Variants in PTPN11 observed in about 807,000 individuals in gnomAD.
PTPN11 encodes the protein protein tyrosine phosphatase non-receptor type 11.
In PTPN11, 6 loss-of-function variants were observed where a neutral mutation model predicts 78.8. That is an observed-to-expected ratio of 0.08 (90% CI 0.04 to 0.15). The LOEUF (loss-of-function observed/expected upper bound fraction) is 0.15, where lower values mean the gene tolerates loss of function less well. PTPN11 is among the 10% of genes least tolerant of loss of function. PTPN11 has a pLI of 1.00. For missense variants in PTPN11, 386 were observed against 744.8 expected, an observed-to-expected ratio of 0.52 and a Z score of 5.61; for synonymous variants, 221 against 263.5, an observed-to-expected ratio of 0.84 and a Z score of 1.56.
Position 112,449,756 on chromosome 12 carries a change from T to A in PTPN11, c.138-562T>A, listed in dbSNP as rs1032975517. Among the ~76,000 whole-genome samples, 8 of 152,170 alleles carry A rather than the reference T, an allele frequency of 5.3e-5. No individual in the cohort carries two copies. In the East Asian group the frequency reaches 1.5e-3, roughly 29 times the overall value. ...TAATATATGCAATTCGATAGGCCAG[T>A]CATTCAAAATAGAAGATATACAAGG... On this transcript the variant is annotated intron_variant, in intron 2 of 15. Coordinates refer to ENST00000351677, the MANE Select transcript of PTPN11 (RefSeq NM_002834.5).
At chr12:112,492,663 G>GCCC (rs1212014439) in intron 13 of PTPN11, among the ~76,000 whole-genome samples, 1 of 151,774 alleles carries the variant, frequency 6.6e-6, no homozygotes, top group Non-Finnish European at 1.5e-5. Context: ...GACTACAGGC[G>GCCC]CCCGCCATCA....
At chr12:112,489,253 G>A (rs1359012350) in intron 13 of PTPN11, 78 bp downstream of exon 13, 1 of 1,535,188 alleles carries the variant, frequency 6.5e-7, no homozygotes, top group Non-Finnish European at 9.0e-7. Flanking sequence ...TTGAGCAGGA[G>A]GACAGGCTCT....
intron 3 of PTPN11, among the ~76,000 whole-genome samples, chr12:112,450,769 T>C (rs1014248675): frequency 2.8e-4 from 43 of 152,350 alleles, no homozygotes; most frequent in African/African-American, 1.0e-3. Context: ...ATATACTTGG[T>C]ACGTGTATTA....
At chr12:112,451,215 C>G (rs940573636) in intron 3 of PTPN11, among the ~76,000 whole-genome samples, 1 of 152,070 alleles carries the variant, frequency 6.6e-6, no homozygotes, top group Non-Finnish European at 1.5e-5. Flanking sequence ...CAGCTTATAC[C>G]TTTATGTCAG....
chr12:112,472,609 A>G (rs1484815391), intron 6 of PTPN11, among the ~76,000 whole-genome samples: 2 of 151,604 alleles, frequency 1.3e-5, no homozygotes, highest in African/African-American at 2.4e-5. Flanking sequence ...TCTCTCCTCA[A>G]GTGATTCCTG....
chr12:112,453,082 G>C, intron 3 of PTPN11, 113 bp from the exon 4 acceptor site: 2 of 904,150 alleles, frequency 2.2e-6, no homozygotes, highest in Non-Finnish European at 3.5e-6. Flanking sequence ...TTGGAGGAAT[G>C]TGTCTACTTT....
chr12:112,477,005 C>CT (rs980935735), intron 7 of PTPN11, among the ~76,000 whole-genome samples: 32 of 151,334 alleles, frequency 2.1e-4, no homozygotes, highest in Middle Eastern at 3.4e-3. Context: ...CTTCAATCTT[C>CT]TTTTTTTTTA....
chr12:112,505,826 T>C lies in PTPN11; in HGVS notation c.*34T>C, dbSNP rs2038928621. The C allele has an allele frequency of 6.5e-6, 1 of 153,904 alleles. No individual in the cohort carries two copies. Among genetic ancestry groups the C allele is most frequent in the African/African-American group, 2.4e-5 (1 of 41,450 alleles). 9.5% of individuals were successfully genotyped at this position (153,904 alleles called of 1,614,324 possible). The stretch of plus-strand genomic sequence containing the variant: ...ACTCTTAACTTATTTCTTCCCCAGA[T>C]GTGGACTTTCACCCTCTCCCTAAAA... On this transcript the variant is annotated splice_region_variant and 3_prime_UTR_variant, in exon 16 of 16. Transcript: ENST00000351677.
chr12:112,462,027 C>T (rs1288054520), intron 6 of PTPN11, among the ~76,000 whole-genome samples: 1 of 151,726 alleles, frequency 6.6e-6, no homozygotes, highest in Non-Finnish European at 1.5e-5. Context: ...ATTTTTTTTG[C>T]GCTTTTCAAA....
At chr12:112,453,491 T>G in intron 4 of PTPN11, 104 bp downstream of exon 4, 1 of 698,954 alleles carries the variant, frequency 1.4e-6, no homozygotes, top group Non-Finnish European at 2.3e-6. Flanking sequence ...GATTGTCTTT[T>G]ATTTATTTAT....
At chr12:112,455,846 C>A (rs933732505) in intron 5 of PTPN11, 104 bp from the exon 6 acceptor site, 14 of 744,352 alleles carry the variant, frequency 1.9e-5, no homozygotes, top group Non-Finnish European at 3.3e-5. Context: ...TCTGTCCGTG[C>A]CTTTATGAAT....
At chr12:112,429,679 C>T (rs2037680181) in intron 1 of PTPN11, among the ~76,000 whole-genome samples, 3 of 151,036 alleles carry the variant, frequency 2.0e-5, no homozygotes, top group Admixed American at 2.0e-4. Context: ...TGGTACACAC[C>T]TGTAATTCCA....
chr12:112,466,191 ATAGGCCTTTACTATT>A (rs1164694815), intron 6 of PTPN11, among the ~76,000 whole-genome samples: 1 of 152,216 alleles, frequency 6.6e-6, no homozygotes, highest in East Asian at 1.9e-4. Context: ...GGGTGTTTTG[ATAGGCCTTTACTATT>A]TAGGTCTCTT....
At chr12:112,456,091 T>A in intron 6 of PTPN11, 28 bp downstream of exon 6, 1 of 1,406,218 alleles carries the variant, frequency 7.1e-7, no homozygotes, top group Non-Finnish European at 1.0e-6. Context: ...TGTTTTTACG[T>A]GAGTTGTTAT....
At chr12:112,455,833 C>T in intron 5 of PTPN11, 117 bp from the exon 6 acceptor site, 1 of 702,142 alleles carries the variant, frequency 1.4e-6, no homozygotes, top group Admixed American at 2.5e-5. Context: ...GTCCTATGAA[C>T]CCTCTGTCCG....
chr12:112,483,187 CTTTTTT>C (rs576813489), intron 10 of PTPN11, among the ~76,000 whole-genome samples: 1 of 130,794 alleles, frequency 7.6e-6, no homozygotes, highest in Non-Finnish European at 1.7e-5. Context: ...GGGGAAGGGA[CTTTTTT>C]TTTTTTTTTT....
chr12:112,495,589 T>A (rs1052800743), intron 13 of PTPN11, among the ~76,000 whole-genome samples: 2 of 152,132 alleles, frequency 1.3e-5, no homozygotes, highest in Non-Finnish European at 2.9e-5. Context: ...CAGATTTTTC[T>A]CACTGCATAA....
chr12:112,453,834 G>A (rs918764770), intron 4 of PTPN11, among the ~76,000 whole-genome samples: 4 of 151,750 alleles, frequency 2.6e-5, no homozygotes, highest in African/African-American at 9.7e-5. Flanking sequence ...ATTTTTTGTG[G>A]AGATGGTGTT....
At chr12:112,488,399 A>G (rs1402121107) in intron 11 of PTPN11, 44 bp from the exon 12 acceptor site, 7 of 1,508,782 alleles carry the variant, frequency 4.6e-6, no homozygotes, top group Non-Finnish European at 6.5e-6. Context: ...TGAAACCCCC[A>G]TGAATGATTC....
Sources: allele counts gnomAD v4.1 joint callset (sites outside exome capture counted in the v4.1 genomes callset), GRCh38; gene constraint gnomAD v4.1.1; transcripts MANE v1.5; gene names NCBI Gene and HGNC (gene_info 2026-07-23, HGNC 2026-07-21).